The following DLG2 variants were observed in gnomAD, a reference collection of about 807,000 sequenced individuals.
DLG2 encodes the protein discs large MAGUK scaffold protein 2.
In DLG2, 45 loss-of-function variants were observed where a neutral mutation model predicts 132.5. The observed-to-expected ratio is 0.34, with a 90% confidence interval of 0.27 to 0.44. The LOEUF (loss-of-function observed/expected upper bound fraction) is 0.44, where lower values mean the gene tolerates loss of function less well. Ranked by LOEUF, DLG2 falls within the 20% of genes least tolerant of loss-of-function variation. The pLI, the probability that DLG2 is intolerant of heterozygous loss-of-function variation, is 1.00. For missense variants in DLG2, 1,045 were observed against 1,196.9 expected, an observed-to-expected ratio of 0.87 and a Z score of 1.87; for synonymous variants, 424 against 419.6, an observed-to-expected ratio of 1.01 and a Z score of -0.13.
intron 8 of DLG2, among the ~76,000 whole-genome samples, chr11:84,238,805 A>G (rs1185262414): frequency 6.6e-6 from 1 of 152,106 alleles, no homozygotes; most frequent in Non-Finnish European, 1.5e-5. Context: ...CTTTTCACTC[A>G]ACTAGCCACT....
At chr11:83,937,507 CAAAA>C (rs11313794) in intron 14 of DLG2, among the ~76,000 whole-genome samples, 3 of 73,778 alleles carry the variant, frequency 4.1e-5, no homozygotes, top group Non-Finnish European at 5.5e-5. Context: ...GACTCCATCT[CAAAA>C]AAAAAAAAAA....
intron 15 of DLG2, among the ~76,000 whole-genome samples, chr11:83,917,973 A>C (rs996270532): frequency 6.6e-6 from 1 of 152,184 alleles, no homozygotes; most frequent in African/African-American, 2.4e-5. Context: ...AGAAGAATGA[A>C]GGATTGTTTG....
At position 84,806,059 on chromosome 11, in the gene DLG2, A is replaced by G. The variant is rs372605389; in HGVS notation, c.358-271328T>C. 3.9e-5 allele frequency among the ~76,000 whole-genome samples: 6 copies of G among 152,338 alleles called. No individual in the cohort carries two copies. The East Asian group carries it at 7.7e-4, about 20-fold the overall frequency. On this transcript the variant is annotated intron_variant, in intron 6 of 27. Coordinates refer to ENST00000376104, the MANE Select transcript of DLG2 (RefSeq NM_001142699.3). ...TAAATGAAATACCATACAAAACTCC[A>G]TGGATGGGTTCTGTAAATGAATAAA... is the stretch of plus-strand genomic sequence containing the variant.
At chr11:83,584,868 C>T (rs945143412) in intron 19 of DLG2, among the ~76,000 whole-genome samples, 1 of 152,204 alleles carries the variant, frequency 6.6e-6, no homozygotes, top group African/African-American at 2.4e-5. Context: ...ACTCAGTCAA[C>T]TGTAGGTGCT....
At chr11:85,052,096 A>G (rs1327736723) in intron 6 of DLG2, among the ~76,000 whole-genome samples, 1 of 152,194 alleles carries the variant, frequency 6.6e-6, no homozygotes, top group African/African-American at 2.4e-5. Flanking sequence ...AAGACTGAGC[A>G]TATTTGCTCC....
intron 8 of DLG2, among the ~76,000 whole-genome samples, chr11:84,194,495 G>A (rs1365359146): frequency 3.3e-5 from 5 of 152,296 alleles, no homozygotes; most frequent in Middle Eastern, 3.4e-3. Context: ...ACAAAGACCC[G>A]AGTGGCTTGC....
chr11:85,114,283 A>G lies in DLG2; in HGVS notation c.283-2548T>C, dbSNP rs572027815. Among the ~76,000 whole-genome samples the G allele has an allele frequency of 2.6e-4, 40 of 152,118 alleles. 1 individual carries two copies. The highest frequency in any genetic ancestry group is 9.4e-4 in the African/African-American group (39 of 41,554). ...AGGTCAGCTCCTTAGAAGCCCAGCT[A>G]GAACCAGAATAAACACTAGGGGAAA... On this transcript the variant is annotated intron_variant, in intron 5 of 27. Coordinates refer to ENST00000376104, the MANE Select transcript of DLG2 (RefSeq NM_001142699.3).
chr11:85,320,620 A>G (rs1479583062), intron 3 of DLG2, among the ~76,000 whole-genome samples: 1 of 151,968 alleles, frequency 6.6e-6, no homozygotes, highest in Admixed American at 6.6e-5. Flanking sequence ...AAGAGGTGAA[A>G]GGGATGAACA....
intron 7 of DLG2, among the ~76,000 whole-genome samples, chr11:84,264,718 C>A (rs2097591533): frequency 6.6e-6 from 1 of 152,262 alleles, no homozygotes; most frequent in African/African-American, 2.4e-5. Flanking sequence ...TCCTAACCAA[C>A]TAGAAAGGAG....
Position 83,600,024 on chromosome 11 carries a change from C to T in DLG2, c.1940+33187G>A, listed in dbSNP as rs1372667547. 3.3e-5 allele frequency among the ~76,000 whole-genome samples: 5 copies of T among 152,222 alleles called. No individual in the cohort carries two copies. The East Asian group carries it at 9.7e-4, about 29-fold the overall frequency. ...TGCCTACAGATAAGCTGAGTGTAAT[C>T]TGATGTGATTGACATTTATTGAAAC... On this transcript the variant is annotated intron_variant, in intron 19 of 27. Coordinates refer to ENST00000376104, the MANE Select transcript of DLG2 (RefSeq NM_001142699.3).
intron 8 of DLG2, among the ~76,000 whole-genome samples, chr11:84,191,533 A>C (rs1347182514): frequency 3.3e-5 from 5 of 152,236 alleles, no homozygotes; most frequent in East Asian, 1.9e-4. Context: ...AAACTTCCTC[A>C]AAGTTAAAAG....
intron 6 of DLG2, among the ~76,000 whole-genome samples, chr11:84,541,203 A>AATG (rs1442069312): frequency 2.6e-5 from 4 of 151,548 alleles, no homozygotes; most frequent in Admixed American, 1.3e-4. Context: ...TAATAATAAT[A>AATG]ATAATAATAA....
intron 18 of DLG2, among the ~76,000 whole-genome samples, chr11:83,704,493 T>C (rs527972314): frequency 6.6e-6 from 1 of 151,736 alleles, no homozygotes; most frequent in Non-Finnish European, 1.5e-5. Flanking sequence ...AATTGAAAAA[T>C]AGTTTCTGGT....
At chr11:84,774,346 A>G (rs1172593668) in intron 6 of DLG2, among the ~76,000 whole-genome samples, 2 of 152,188 alleles carry the variant, frequency 1.3e-5, no homozygotes, top group Non-Finnish European at 2.9e-5. Context: ...AAGAATCAAT[A>G]TCATTAAAAT....
intron 7 of DLG2, among the ~76,000 whole-genome samples, chr11:84,343,066 A>T (rs1465401170): frequency 6.6e-6 from 1 of 152,226 alleles, no homozygotes; most frequent in Non-Finnish European, 1.5e-5. Flanking sequence ...CAACAAAAAC[A>T]ATGAGAAAGT....
intron 8 of DLG2, among the ~76,000 whole-genome samples, chr11:84,177,053 A>G (rs1418044520): frequency 6.6e-6 from 1 of 152,164 alleles, no homozygotes; most frequent in Non-Finnish European, 1.5e-5. Flanking sequence ...TAGTAAACAA[A>G]TGTTAATCAG....
intron 16 of DLG2, among the ~76,000 whole-genome samples, chr11:83,842,576 C>T (rs1208120839): frequency 6.7e-6 from 1 of 148,704 alleles, no homozygotes; most frequent in African/African-American, 2.5e-5. Flanking sequence ...TGCTTGTAGT[C>T]CCAGCACTTT....
intron 11 of DLG2, among the ~76,000 whole-genome samples, chr11:84,032,908 CCTGGATGATATCACGT>C (rs1474420774): frequency 6.6e-6 from 1 of 152,060 alleles, no homozygotes. Context: ...AACTGCAAAG[CCTGGATGATATCACGT>C]CTGTTTATAG....
At chr11:84,131,519 T>C (rs185172057) in intron 9 of DLG2, among the ~76,000 whole-genome samples, 23 of 152,110 alleles carry the variant, frequency 1.5e-4, no homozygotes, top group African/African-American at 5.3e-4. Flanking sequence ...TTTCATTCAT[T>C]CATTCATTCA....
Sources: gnomAD v4.1 joint callset for allele counts (sites outside exome capture counted in the v4.1 genomes callset) on GRCh38, gnomAD v4.1.1 for gene constraint, MANE v1.5 for transcripts, NCBI Gene and HGNC (gene_info 2026-07-23, HGNC 2026-07-21) for gene names.